The following CNNM2 variants were observed in gnomAD, a reference collection of about 807,000 sequenced individuals.
The protein encoded by CNNM2 is metal transporter CNNM2.
In CNNM2, 12 loss-of-function variants were observed where a neutral mutation model predicts 66.9. The observed-to-expected ratio is 0.18, with a 90% CI of 0.11 to 0.29. The LOEUF is 0.29. CNNM2 is among the 10% of genes least tolerant of loss of function. CNNM2 has a pLI of 1.00. For missense variants in CNNM2, 705 were observed against 1,167.7 expected, an observed-to-expected ratio of 0.60 and a Z score of 5.77; for synonymous variants, 557 against 501.8, an observed-to-expected ratio of 1.11 and a Z score of -1.47.
In CNNM2 at chr10:103,054,619, G is replaced by A. The variant is rs1437555263; in HGVS notation, c.1903+153G>A. Among the ~76,000 whole-genome samples the A allele has an allele frequency of 2.0e-5, 3 of 148,530 alleles. No individual in the cohort carries two copies. In the East Asian group the frequency reaches 6.4e-4, roughly 32 times the overall value. ...TTTGTTTTTTTTGTTTTTTTGTTTT[G>A]TTTTGTTTTTTTCTTTTTAAATTCT... On this transcript the variant is annotated intron_variant, in intron 3 of 7. Coordinates refer to ENST00000369878, the MANE Select transcript of CNNM2 (RefSeq NM_017649.5). This position sits in a 1 kb window ranked among gnomAD's most constrained non-coding sequence, Gnocchi z 5.2.
chr10:102,932,598 T>C (rs1846100178), intron 1 of CNNM2, among the ~76,000 whole-genome samples: 1 of 152,138 alleles, frequency 6.6e-6, no homozygotes, highest in Non-Finnish European at 1.5e-5. Flanking sequence ...TCTTTCTCCA[T>C]TGAATTGTCT....
At chr10:102,971,249 AAAAAAAAAAAAAG>A (rs974423416) in intron 1 of CNNM2, among the ~76,000 whole-genome samples, 9 of 143,722 alleles carry the variant, frequency 6.3e-5, no homozygotes, top group Non-Finnish European at 1.2e-4. Context: ...CTCGTCCCTA[AAAAAAAAAAAAAG>A]AAAAAAAAAA....
intron 1 of CNNM2, among the ~76,000 whole-genome samples, chr10:102,987,742 G>A (rs1294886260): frequency 3.9e-5 from 6 of 152,154 alleles, no homozygotes; most frequent in African/African-American, 9.7e-5. Flanking sequence ...AAAATGGTTT[G>A]CAACCTCTGC....
In CNNM2 at chr10:103,089,387, A is replaced by T; in HGVS notation, c.*12207A>T. 1 of 310,460 alleles carries T rather than the reference A, an allele frequency of 3.2e-6. No homozygotes were observed. The highest frequency in any genetic ancestry group is 1.2e-4 in the South Asian group (1 of 8,596). 19.2% of individuals were successfully genotyped at this position (310,460 alleles called of 1,614,324 possible). Reference sequence around the variant, plus strand: ...ACACTGACATACGGATGATTTTAAAAGTGTCACAAGCCACAGTGGAGCCAT... The same window carrying T: ...ACACTGACATACGGATGATTTTAAATGTGTCACAAGCCACAGTGGAGCCAT... On this transcript the variant is annotated 3_prime_UTR_variant, in exon 8 of 8. Transcript: ENST00000369878.
chr10:103,042,043 A>C (rs1171055096), intron 1 of CNNM2, among the ~76,000 whole-genome samples: 1 of 152,128 alleles, frequency 6.6e-6, no homozygotes, highest in Non-Finnish European at 1.5e-5. Flanking sequence ...AGGATGTCAA[A>C]TTTATCCAAA....
chr10:103,084,872 A>G lies in CNNM2; in HGVS notation c.*7692A>G, dbSNP rs768825153. The stretch of plus-strand genomic sequence containing the variant: ...GTTGATTTCTGGAAACTTATTTTAT[A>G]CTTTTTGAAGGTAATTTAAAAGAGA... On this transcript the variant is annotated 3_prime_UTR_variant, in exon 8 of 8. Transcript: ENST00000369878. 2 of 152,158 alleles carry G rather than the reference A, an allele frequency of 1.3e-5. No individual in the cohort carries two copies. Among genetic ancestry groups the G allele is most frequent in the African/African-American group, 2.4e-5 (1 of 41,436 alleles). The allele number at this position is 152,158 out of a possible 1,614,324, so 9.4% of individuals were successfully genotyped here. A position where few individuals can be genotyped will look rare whatever the true frequency, so the allele number is the denominator to read the frequency against.
intron 1 of CNNM2, among the ~76,000 whole-genome samples, chr10:102,941,281 A>G (rs1846423754): frequency 2.3e-5 from 3 of 127,908 alleles, no homozygotes; most frequent in African/African-American, 8.4e-5. Context: ...TTTATAAAAA[A>G]TTACGTAGTA....
chr10:103,014,952 C>T (rs1193703788), intron 1 of CNNM2, among the ~76,000 whole-genome samples: 1 of 151,930 alleles, frequency 6.6e-6, no homozygotes, highest in Non-Finnish European at 1.5e-5. Flanking sequence ...AACATGCTTA[C>T]AAATTTAATA....
At chr10:102,964,164 A>T (rs931384755) in intron 1 of CNNM2, among the ~76,000 whole-genome samples, 2 of 152,214 alleles carry the variant, frequency 1.3e-5, no homozygotes, top group African/African-American at 4.8e-5. Flanking sequence ...ATGTAATTTT[A>T]TGCATAACAT....
intron 1 of CNNM2, among the ~76,000 whole-genome samples, chr10:103,045,285 A>G (rs2134323062): frequency 6.6e-6 from 1 of 152,246 alleles, no homozygotes; most frequent in African/African-American, 2.4e-5. Flanking sequence ...AAATGTTTTC[A>G]TTCTTTGAGC....
intron 1 of CNNM2, among the ~76,000 whole-genome samples, chr10:102,976,155 A>G (rs1246333442): frequency 2.0e-5 from 3 of 152,206 alleles, no homozygotes; most frequent in South Asian, 4.1e-4. Flanking sequence ...GTGAGCCTAA[A>G]ATACACTAAA....
intron 5 of CNNM2, among the ~76,000 whole-genome samples, chr10:103,071,495 G>C (rs769799552): frequency 1.3e-5 from 2 of 152,132 alleles, no homozygotes; most frequent in Non-Finnish European, 2.9e-5. Flanking sequence ...AGCAGGTTTC[G>C]AGCTATCAAC....
At chr10:102,975,845 T>C (rs1398697678) in intron 1 of CNNM2, among the ~76,000 whole-genome samples, 1 of 152,206 alleles carries the variant, frequency 6.6e-6, no homozygotes, top group Non-Finnish European at 1.5e-5. Context: ...AGGTGTATTA[T>C]AATTGGCCCC....
chr10:102,952,661 A>G (rs545765301), intron 1 of CNNM2, among the ~76,000 whole-genome samples: 3 of 151,712 alleles, frequency 2.0e-5, no homozygotes, highest in African/African-American at 7.3e-5. Flanking sequence ...ACCCTTTCAC[A>G]TAAGTCTGTT....
In CNNM2 at chr10:103,026,607, A is replaced by G. The variant is rs889730720; in HGVS notation, c.1622-23100A>G. Among the ~76,000 whole-genome samples the G allele has an allele frequency of 1.9e-4, 28 of 150,902 alleles. No individual in the cohort carries two copies. In the South Asian group the frequency reaches 5.6e-3, roughly 30 times the overall value. On this transcript the variant is annotated intron_variant, in intron 1 of 7. Coordinates refer to ENST00000369878, the MANE Select transcript of CNNM2 (RefSeq NM_017649.5). ...CAGAGTGAGACCTTGTCTTCAAAAA[A>G]AAAAAAAAAAAAAAAAAAGGTTTGG...
chr10:102,973,821 C>T (rs1036942470), intron 1 of CNNM2, among the ~76,000 whole-genome samples: 1 of 148,390 alleles, frequency 6.7e-6, no homozygotes, highest in African/African-American at 2.4e-5. Flanking sequence ...TGTATTCCCC[C>T]CCCCCCTTTT....
intron 1 of CNNM2, among the ~76,000 whole-genome samples, chr10:102,945,545 A>C (rs1590288989): frequency 6.7e-6 from 1 of 148,994 alleles, no homozygotes; most frequent in African/African-American, 2.5e-5. Context: ...TGCTCCCCCC[A>C]CTCCATCCCC....
intron 1 of CNNM2, among the ~76,000 whole-genome samples, chr10:103,023,304 C>T (rs544937080): frequency 6.6e-6 from 1 of 152,308 alleles, no homozygotes; most frequent in South Asian, 2.1e-4. Context: ...ATAATCCCAA[C>T]ACTTTGGGTG....
intron 1 of CNNM2, among the ~76,000 whole-genome samples, chr10:102,941,944 G>C (rs1846450877): frequency 6.6e-6 from 1 of 152,204 alleles, no homozygotes; most frequent in Admixed American, 6.5e-5. Context: ...ATATTGTTGA[G>C]AATGTGTTGT....
Sources: allele counts gnomAD v4.1 joint callset (sites outside exome capture counted in the v4.1 genomes callset), GRCh38; gene constraint gnomAD v4.1.1; non-coding constraint Gnocchi (gnomAD v3.1); transcripts MANE v1.5; gene names NCBI Gene and HGNC (gene_info 2026-07-23, HGNC 2026-07-21).